Variants in NOS3 observed in about 807,000 individuals in gnomAD.
NOS3 encodes NOS type III.
NOS3 carries 98 observed loss-of-function variants against 144.9 expected under a neutral mutation model. That is an observed-to-expected ratio of 0.68 (90% CI 0.57 to 0.80). The LOEUF (loss-of-function observed/expected upper bound fraction) is 0.80, where lower values mean the gene tolerates loss of function less well. Ranked by LOEUF, NOS3 falls within the 30% of genes least tolerant of loss-of-function variation. The pLI is 0.00. For missense variants in NOS3, 1,465 were observed against 1,656.4 expected (o/e 0.88, Z 2.01); for synonymous variants, 714 against 702.4 (o/e 1.02, Z -0.26).
In NOS3 at chr7:151,007,312, C is replaced by A. The variant is rs3730305; in HGVS notation, c.2112+36C>A. 131,456 of 1,551,254 alleles carry A rather than the reference C, an allele frequency of 0.085. 6,666 individuals carry two copies. The highest frequency in any genetic ancestry group is 0.21 in the African/African-American group (15,481 of 73,660). ...CCCAGCCCCTGCTCTGACTCCTGCCCCCTGGGATGCCTCCTCCTGCCTCAC... is the reference window on the plus strand; with the variant it reads ...CCCAGCCCCTGCTCTGACTCCTGCCACCTGGGATGCCTCCTCCTGCCTCAC... On this transcript the variant is annotated intron_variant, in intron 17 of 26. Coordinates refer to ENST00000297494, the MANE Select transcript of NOS3 (RefSeq NM_000603.5).
In NOS3 at chr7:151,003,399, T is replaced by TA; in HGVS notation, c.1752+1096dup. On this transcript the variant is annotated intron_variant, in intron 14 of 26. Coordinates refer to ENST00000297494, the MANE Select transcript of NOS3 (RefSeq NM_000603.5). The surrounding 1 kb of genome is among the most constrained non-coding windows in gnomAD (Gnocchi z 4.1). ...CCTCGGCCTCCCAAAGTGCTGCGAT[T>TA]ATAGACGTGAGCCACTGCACCTGGC... 1 of 1,227,676 alleles carries TA rather than the reference T, an allele frequency of 8.1e-7. No individual in the cohort carries two copies. Among genetic ancestry groups the TA allele is most frequent in the Non-Finnish European group, 1.0e-6 (1 of 954,980 alleles). 76.0% of individuals were successfully genotyped at this position (1,227,676 alleles called of 1,614,324 possible).
At position 151,003,405 on chromosome 7, in the gene NOS3, C is replaced by T. The variant is rs187652305; in HGVS notation, c.1752+1101C>T. On this transcript the variant is annotated intron_variant, in intron 14 of 26. Coordinates refer to ENST00000297494, the MANE Select transcript of NOS3 (RefSeq NM_000603.5). The surrounding 1 kb of genome is among the most constrained non-coding windows in gnomAD (Gnocchi z 4.1). Reference sequence around the variant, plus strand: ...CCTCCCAAAGTGCTGCGATTATAGACGTGAGCCACTGCACCTGGCCCTCAG... The same window carrying T: ...CCTCCCAAAGTGCTGCGATTATAGATGTGAGCCACTGCACCTGGCCCTCAG... 137 of 1,225,692 alleles carry T rather than the reference C, an allele frequency of 1.1e-4. No individual in the cohort carries two copies. The highest frequency in any genetic ancestry group is 8.1e-5 in the Admixed American group (3 of 36,960). 75.9% of individuals were successfully genotyped at this position (1,225,692 alleles called of 1,614,324 possible).
chr7:150,995,312 C>A lies in NOS3; in HGVS notation c.268C>A (p.Gln90Lys). The change falls in exon 3 of 27, where the codon CAG becomes AAG. Residue 90 changes from glutamine to lysine, a missense_variant and splice_region_variant. This residue lies in a region of NOS3 where 374 missense variants were observed against 377.0 expected (regional missense o/e 0.99). Coordinates refer to ENST00000297494, the MANE Select transcript of NOS3 (RefSeq NM_000603.5). ...TYDTLSAQAQQDGPCTPRRCL... is the reference protein window; with the variant it reads ...TYDTLSAQAQKDGPCTPRRCL... ...TGACACCCTCAGCGCCCAGGCGCAG[C>A]AGGTAAGGCCGGCATGCCCTGTCCC... 2 of 1,606,030 alleles carry A rather than the reference C, an allele frequency of 1.2e-6. No individual in the cohort carries two copies. Among genetic ancestry groups the A allele is most frequent in the Non-Finnish European group, 1.7e-6 (2 of 1,174,458 alleles).
rs749580750 is a variant in NOS3 at position 151,010,158 on chromosome 7, G to A, written c.2556G>A (p.Pro852=). Residue 852 remains proline (P), a synonymous_variant, in exon 21 of 27, where the codon CCG becomes CCA. Coordinates refer to ENST00000297494, the MANE Select transcript of NOS3 (RefSeq NM_000603.5). ...PGWVRDPRLP[P]CTLRQALTFF... ...GGGTGCGGGACCCCCGGCTGCCCCCGTGCACGCTGCGCCAGGCTCTCACCT... is the reference window on the plus strand; with the variant it reads ...GGGTGCGGGACCCCCGGCTGCCCCCATGCACGCTGCGCCAGGCTCTCACCT... 1.1e-5 allele frequency: 18 copies of A among 1,610,360 alleles called. No individual in the cohort carries two copies. The African/African-American group carries it at 1.3e-4, about 12-fold the overall frequency.
intron 5 of NOS3, among the ~76,000 whole-genome samples, chr7:150,997,962 G>T (rs1331709816): frequency 6.6e-6 from 1 of 152,188 alleles, no homozygotes. Context: ...CACCATCCAT[G>T]TGCTCAAAGA....
At chr7:151,007,398 T>A (rs1795222792) in intron 17 of NOS3, 122 bp downstream of exon 17, 3 of 1,123,146 alleles carry the variant, frequency 2.7e-6, no homozygotes, top group East Asian at 2.6e-5. Context: ...TCCACCCTCA[T>A]CTCTCCATGG....
chr7:151,003,858 C>A lies in NOS3; in HGVS notation c.1752+1554C>A, dbSNP rs3918227. 30,559 of 396,480 alleles carry A rather than the reference C, an allele frequency of 0.077. 1,437 individuals carry two copies. Among genetic ancestry groups the A allele is most frequent in the Non-Finnish European group, 0.095 (18,454 of 193,538 alleles). 24.6% of individuals were successfully genotyped at this position (396,480 alleles called of 1,614,324 possible). On this transcript the variant is annotated intron_variant, in intron 14 of 26. Coordinates refer to ENST00000297494, the MANE Select transcript of NOS3 (RefSeq NM_000603.5). This position sits in a 1 kb window ranked among gnomAD's most constrained non-coding sequence, Gnocchi z 4.1. ...GTGTGAATATCCCCAGTTTGTTTACCCATTCTCTTGTTGGTGACACTTGGG... is the reference window on the plus strand; with the variant it reads ...GTGTGAATATCCCCAGTTTGTTTACACATTCTCTTGTTGGTGACACTTGGG...
rs1197218916 is a variant in NOS3 at position 151,010,895 on chromosome 7, C to G, written c.2897-4C>G. 4.3e-6 allele frequency: 7 copies of G among 1,613,204 alleles called. No individual in the cohort carries two copies. Among genetic ancestry groups the G allele is most frequent in the Admixed American group, 1.7e-5 (1 of 59,946 alleles). On this transcript the variant is annotated splice_polypyrimidine_tract_variant and splice_region_variant and intron_variant, in intron 22 of 26. Transcript: ENST00000297494. ...CCTCACCGGCCTCTCCTTCCCACCC[C>G]CAGATGGGCTGGGCCCCCTGCACTA... is the stretch of plus-strand genomic sequence containing the variant.
rs1255706643 is a variant in NOS3, at chr7:151,003,281, A to T, written c.1752+977A>T. 6 of 483,246 alleles carry T rather than the reference A, an allele frequency of 1.2e-5. No homozygotes were observed. The highest frequency in any genetic ancestry group is 2.0e-5 in the African/African-American group (1 of 50,432). 29.9% of individuals were successfully genotyped at this position (483,246 alleles called of 1,614,324 possible). On this transcript the variant is annotated intron_variant, in intron 14 of 26. Transcript: ENST00000297494. This position sits in a 1 kb window ranked among gnomAD's most constrained non-coding sequence, Gnocchi z 4.1. ...GTTGGGACTACAGGCGCATGCCATG[A>T]TGCCTAGCTAATTTTTGTATTTTTT... is the stretch of plus-strand genomic sequence containing the variant.
chr7:151,007,276 G>C lies in NOS3; in HGVS notation c.2112G>C (p.Gln704His), dbSNP rs1409311991. 3 of 1,595,136 alleles carry C rather than the reference G, an allele frequency of 1.9e-6. No homozygotes were observed. The South Asian group carries it at 3.3e-5, about 18-fold the overall frequency. Residue 704 changes from glutamine (Q) to histidine (H), a missense_variant and splice_region_variant, in exon 17 of 27, where the codon CAG (glutamine) becomes CAC (histidine). By Grantham distance (24) the Gln-to-His change is conservative (BLOSUM62 0). Around this residue, in one of 5 missense-constraint regions of NOS3, gnomAD observed 745 missense variants for 853.9 expected, o/e 0.87. Coordinates refer to ENST00000297494, the MANE Select transcript of NOS3 (RefSeq NM_000603.5). ...GAGGCTGGGCCCAGGCTGCCTTCCA[G>C]GTGAGCCCAGCCCAGCCCCTGCTCT... ...AFRGWAQAAF[Q>H]AACETFCVGE...
intron 12 of NOS3, 41 bp downstream of exon 12, chr7:151,001,658 G>A: frequency 5.0e-6 from 8 of 1,600,024 alleles, no homozygotes; most frequent in Non-Finnish European, 6.9e-6. Context: ...ACACACCCTG[G>A]GGGCCCCACT....
rs765650558 is a variant in NOS3, at chr7:151,001,089, T to C, written c.1234-142T>C. 77 of 766,008 alleles carry C rather than the reference T, an allele frequency of 1.0e-4. 1 individual carries two copies. The Middle Eastern group carries it at 1.1e-3, about 11-fold the overall frequency. The allele number at this position is 766,008 out of a possible 1,614,324, so 47.5% of individuals were successfully genotyped here. On this transcript the variant is annotated intron_variant, in intron 10 of 26. Transcript: ENST00000297494. ...GATGTGGTTTGGGGTGAGGGTGACA[T>C]TGTGGTTTGAGGGGACACAGGGTGT...
Position 151,002,211 on chromosome 7 carries a change from G to A in NOS3, c.1659G>A (p.Met553Ile). 6.3e-7 allele frequency: 1 copy of A among 1,594,446 alleles called. No homozygotes were observed. The highest frequency in any genetic ancestry group is 8.5e-7 in the Non-Finnish European group (1 of 1,169,596). ...RKAFDPRVLC[M>I]DEYDVVSLEH... ...CTTCCCACCCACAGGTCCTGTGTAT[G>A]GATGAGTATGACGTGGTGTCCCTCG... Residue 553 changes from methionine (M) to isoleucine (I), a missense_variant, in exon 14 of 27, where the codon ATG becomes ATA. Transcript: ENST00000297494. This position sits in a 1 kb window ranked among gnomAD's most constrained non-coding sequence, Gnocchi z 4.1.
rs569891830 is a variant in NOS3 at position 151,001,182 on chromosome 7, G to A, written c.1234-49G>A. ...CCGGAGTGGTGGAGGAAGAATGGGC[G>A]AGGTCTGTGGGTCTGGTTTGAGCCT... On this transcript the variant is annotated intron_variant, in intron 10 of 26. Transcript: ENST00000297494. 6.1e-4 allele frequency: 976 copies of A among 1,589,852 alleles called. 8 individuals are homozygous for A. The South Asian group carries it at 9.8e-3, about 16-fold the overall frequency.
rs924482639 is a variant in NOS3 at position 151,001,357 on chromosome 7, G to A, written c.1360G>A (p.Gly454Ser). Reference sequence around the variant, plus strand: ...GGCCTGGATCGTGCCCCCCATCTCGGGCAGCCTCACTCCTGTTTTCCATCA... The same window carrying A: ...GGCCTGGATCGTGCCCCCCATCTCGAGCAGCCTCACTCCTGTTTTCCATCA... ...DWAWIVPPIS[G>S]SLTPVFHQEM... Residue 454 changes from glycine to serine, a missense_variant, in exon 11 of 27, where the codon GGC (glycine) becomes AGC (serine). Around this residue, in one of 5 missense-constraint regions of NOS3, gnomAD observed 745 missense variants for 853.9 expected, o/e 0.87. Coordinates refer to ENST00000297494, the MANE Select transcript of NOS3 (RefSeq NM_000603.5). 1.6e-5 allele frequency: 26 copies of A among 1,612,938 alleles called. No homozygotes were observed. Among genetic ancestry groups the A allele is most frequent in the Non-Finnish European group, 2.2e-5 (26 of 1,179,548 alleles).
chr7:151,007,456 C>T (rs1176651171), intron 17 of NOS3, among the ~76,000 whole-genome samples, 180 bp downstream of exon 17: 3 of 152,202 alleles, frequency 2.0e-5, no homozygotes, highest in African/African-American at 4.8e-5. Flanking sequence ...ATGGCCCTGC[C>T]GACCACAGGG....
intron 10 of NOS3, 57 bp downstream of exon 10, chr7:151,000,656 G>A (rs1795069422): frequency 5.1e-6 from 6 of 1,178,132 alleles, no homozygotes; most frequent in Non-Finnish European, 7.6e-6. Flanking sequence ...GGGCAGCAGG[G>A]GCGGGGGATG....
chr7:150,998,216 A>G lies in NOS3; in HGVS notation c.583-141A>G. 1.5e-6 allele frequency: 1 copy of G among 677,682 alleles called. No homozygotes were observed. Among genetic ancestry groups the G allele is most frequent in the Admixed American group, 2.6e-5 (1 of 38,476 alleles). 42.0% of individuals were successfully genotyped at this position (677,682 alleles called of 1,614,324 possible). Reference sequence around the variant, plus strand: ...TCAGAGAGCAGGGCAGGAAGGGATCAGTGTGGCTGCCAATGGTCAGGAGGG... The same window carrying G: ...TCAGAGAGCAGGGCAGGAAGGGATCGGTGTGGCTGCCAATGGTCAGGAGGG... On this transcript the variant is annotated intron_variant, in intron 5 of 26. Transcript: ENST00000297494. The surrounding 1 kb of genome is among the most constrained non-coding windows in gnomAD (Gnocchi z 5.0).
intron 26 of NOS3, 44 bp from the exon 27 acceptor site, chr7:151,013,964 G>C: frequency 6.2e-7 from 1 of 1,606,774 alleles, no homozygotes; most frequent in Middle Eastern, 1.7e-4. Flanking sequence ...TTCCTGCTAA[G>C]GTCTCCGAGT....
Sources: gnomAD v4.1 joint callset for allele counts (sites outside exome capture counted in the v4.1 genomes callset) on GRCh38, gnomAD v4.1.1 for gene constraint, gnomAD v4.1.1 regional missense constraint, Gnocchi (gnomAD v3.1) non-coding constraint, MANE v1.5 for transcripts, NCBI Gene and HGNC (gene_info 2026-07-23, HGNC 2026-07-21) for gene names.